ALPK2: variants seen among roughly 807,000 people sequenced by gnomAD.
ALPK2 encodes the protein alpha-protein kinase 2.
Under a neutral mutation model 163.1 loss-of-function variants are expected in ALPK2, and 127 were observed. That is an observed-to-expected ratio of 0.78 (90% confidence interval 0.67 to 0.90). The LOEUF is 0.90. ALPK2 is among the 40% of genes least tolerant of loss of function. ALPK2 has a pLI of 0.00. For synonymous variants in ALPK2, 953 were observed against 959.1 expected (o/e 0.99, Z 0.12); for missense variants, 2,360 against 2,589.6 (o/e 0.91, Z 1.92).
At chr18:58,525,769 A>G (rs1388530185) in intron 6 of ALPK2, among the ~76,000 whole-genome samples, 1 of 152,130 alleles carries the variant, frequency 6.6e-6, no homozygotes, top group Non-Finnish European at 1.5e-5. Flanking sequence ...CCGGCGTGTG[A>G]AGCTTCAGCG....
intron 1 of ALPK2, among the ~76,000 whole-genome samples, chr18:58,618,607 C>T (rs1180025605): frequency 6.6e-6 from 1 of 152,162 alleles, no homozygotes; most frequent in African/African-American, 2.4e-5. Context: ...AAAGTAAGCA[C>T]TATGTAAGTG....
intron 3 of ALPK2, among the ~76,000 whole-genome samples, chr18:58,594,600 G>C (rs2052032091): frequency 6.6e-6 from 1 of 152,194 alleles, no homozygotes; most frequent in South Asian, 2.1e-4. Flanking sequence ...CCTAGCCACA[G>C]AGGCCCAGAG....
At chr18:58,597,647 T>G (rs1384515881) in intron 3 of ALPK2, among the ~76,000 whole-genome samples, 1 of 152,178 alleles carries the variant, frequency 6.6e-6, no homozygotes, top group Non-Finnish European at 1.5e-5. Context: ...TCTGAACCAG[T>G]GGGTCCCTGT....
intron 12 of ALPK2, among the ~76,000 whole-genome samples, chr18:58,489,185 A>T (rs978560785): frequency 6.6e-6 from 1 of 152,116 alleles, no homozygotes; most frequent in Non-Finnish European, 1.5e-5. Flanking sequence ...AGGGAACAAC[A>T]TGGTAAGGTT....
At chr18:58,555,832 C>CT (rs2051787533) in intron 4 of ALPK2, among the ~76,000 whole-genome samples, 1 of 152,116 alleles carries the variant, frequency 6.6e-6, no homozygotes, top group African/African-American at 2.4e-5. Context: ...CTTTTAAAAA[C>CT]TTTTTTTGAG....
intron 11 of ALPK2, among the ~76,000 whole-genome samples, chr18:58,502,568 G>A (rs569884424): frequency 6.6e-6 from 1 of 152,320 alleles, no homozygotes; most frequent in African/African-American, 2.4e-5. Flanking sequence ...TCAACACCAT[G>A]TAATAGCTAG....
chr18:58,612,009 C>T (rs183364090), intron 1 of ALPK2, among the ~76,000 whole-genome samples, 192 bp from the exon 2 acceptor site: 22 of 152,250 alleles, frequency 1.4e-4, no homozygotes, highest in Admixed American at 4.6e-4. Flanking sequence ...TTCTGTATTT[C>T]GGGGATGTCC....
chr18:58,549,353 C>G (rs577870318), intron 4 of ALPK2, among the ~76,000 whole-genome samples: 38 of 152,256 alleles, frequency 2.5e-4, no homozygotes, highest in Non-Finnish European at 3.7e-4. Context: ...GACTATGGTG[C>G]AGATTACACC....
intron 3 of ALPK2, among the ~76,000 whole-genome samples, chr18:58,595,012 G>A (rs2052034006): frequency 6.6e-6 from 1 of 152,156 alleles, no homozygotes; most frequent in Admixed American, 6.5e-5. Context: ...ACCCTCTTAT[G>A]TGTCTCCATC....
Position 58,535,687 on chromosome 18 carries a change from G to T in ALPK2, c.4500C>A (p.Gly1500=). The T allele has an allele frequency of 2.5e-6, 4 of 1,614,222 alleles. No homozygotes were observed. The highest frequency in any genetic ancestry group is 1.1e-5 in the South Asian group (1 of 91,084). The change falls in exon 5 of 13, where the codon GGC becomes GGA. Residue 1500 remains glycine, a synonymous_variant. Transcript: ENST00000361673. Reference sequence around the variant, plus strand: ...TACATCCACTTGGAATTCTTTCACCGCCTTCGCTGGGTTGCAGGACTTGCC... The same window carrying T: ...TACATCCACTTGGAATTCTTTCACCTCCTTCGCTGGGTTGCAGGACTTGCC... ...AIWQVLQPSE[G]GERIPSGCSI... is the part of the protein sequence containing the mutation.
At chr18:58,511,242 GATC>G (rs2051488844) in intron 10 of ALPK2, among the ~76,000 whole-genome samples, 1 of 152,196 alleles carries the variant, frequency 6.6e-6, no homozygotes, top group Non-Finnish European at 1.5e-5. Flanking sequence ...AAGCCCACTT[GATC>G]ATGGTGGATA....
At chr18:58,598,400 G>T (rs1271657551) in intron 3 of ALPK2, among the ~76,000 whole-genome samples, 1 of 152,228 alleles carries the variant, frequency 6.6e-6, no homozygotes, top group Non-Finnish European at 1.5e-5. Context: ...GAGGCAGACG[G>T]GGAGGGGCGT....
At chr18:58,545,008 G>A (rs1273456676) in intron 4 of ALPK2, 3 of 152,182 alleles carry the variant, frequency 2.0e-5, no homozygotes, top group Admixed American at 2.0e-4. Context: ...TAGACATGGT[G>A]GGTACCTTGC....
Position 58,580,185 on chromosome 18 carries a change from C to T in ALPK2, c.591G>A (p.Arg197=). 6.2e-7 allele frequency: 1 copy of T among 1,614,186 alleles called. No homozygotes were observed. Among genetic ancestry groups the T allele is most frequent in the Non-Finnish European group, 8.5e-7 (1 of 1,180,038 alleles). Residue 197 remains arginine (R), a synonymous_variant, in exon 4 of 13, where the codon AGG becomes AGA. Coordinates refer to ENST00000361673, the MANE Select transcript of ALPK2 (RefSeq NM_052947.4). The part of the protein sequence containing the change: ...SENPLGVKGT[R]HTGEAYDPSN... Reference sequence around the variant, plus strand: ...TTGGATCATAAGCCTCTCCAGTGTGCCTTGTTCCTTTAACACCCAAAGGAT... The same window carrying T: ...TTGGATCATAAGCCTCTCCAGTGTGTCTTGTTCCTTTAACACCCAAAGGAT...
At chr18:58,557,193 G>A (rs941626565) in intron 4 of ALPK2, 3 of 152,416 alleles carry the variant, frequency 2.0e-5, no homozygotes, top group Non-Finnish European at 2.9e-5. Flanking sequence ...AATAAGGTCT[G>A]TGAGGGTTGA....
chr18:58,583,926 AAAG>A (rs1367620684), intron 3 of ALPK2, among the ~76,000 whole-genome samples: 1 of 152,142 alleles, frequency 6.6e-6, no homozygotes, highest in African/African-American at 2.4e-5. Context: ...GAAGAAAAGA[AAAG>A]AAGGCTGAGA....
intron 2 of ALPK2, 122 bp from the exon 3 acceptor site, chr18:58,607,561 G>A (rs1157864966): frequency 1.8e-5 from 11 of 606,140 alleles, no homozygotes; most frequent in South Asian, 9.0e-5. Context: ...GATGGATTAC[G>A]TTAGGTGAGG....
At chr18:58,611,539 T>G (rs545318347) in intron 2 of ALPK2, 150 bp downstream of exon 2, 49 of 678,542 alleles carry the variant, frequency 7.2e-5, no homozygotes, top group East Asian at 7.1e-4. Flanking sequence ...AAACAAATCA[T>G]AGAGGATGGA....
In ALPK2 at chr18:58,555,431, T is replaced by C. The variant is rs142776330; in HGVS notation, c.1963-17207A>G. Reference sequence around the variant, plus strand: ...ATCCTGATTTTCTCTTCTTTGTCAATGTATAATATCACAAAAGAGCAAAGG... The same window carrying C: ...ATCCTGATTTTCTCTTCTTTGTCAACGTATAATATCACAAAAGAGCAAAGG... On this transcript the variant is annotated intron_variant, in intron 4 of 12. Coordinates refer to ENST00000361673, the MANE Select transcript of ALPK2 (RefSeq NM_052947.4). Among the ~76,000 whole-genome samples the C allele has an allele frequency of 3.2e-4, 48 of 152,372 alleles. No homozygotes were observed. The East Asian group carries it at 7.7e-3, about 24-fold the overall frequency.
Sources: allele counts gnomAD v4.1 joint callset (sites outside exome capture counted in the v4.1 genomes callset), GRCh38; gene constraint gnomAD v4.1.1; transcripts MANE v1.5; gene names NCBI Gene and HGNC (gene_info 2026-07-23, HGNC 2026-07-21).